The following ANO1 variants were observed in gnomAD, a reference collection of about 807,000 sequenced individuals.
The protein encoded by ANO1 is anoctamin-1.
ANO1 carries 59 observed loss-of-function variants against 124.0 expected under a neutral mutation model. The observed-to-expected ratio is 0.48, with a 90% confidence interval of 0.39 to 0.59. The LOEUF is 0.59. ANO1 is among the 20% of genes least tolerant of loss of function. The probability of loss-of-function intolerance (pLI) is 0.00; values close to 1 mark genes in which losing one functional copy is unlikely to be tolerated. For synonymous variants in ANO1, 529 were observed against 532.0 expected, an observed-to-expected ratio of 0.99 and a Z score of 0.08; for missense variants, 1,059 against 1,328.0, an observed-to-expected ratio of 0.80 and a Z score of 3.15.
upstream of ANO1, among the ~76,000 whole-genome samples, chr11:70,074,598 G>C (rs2044033079): frequency 6.6e-6 from 1 of 152,014 alleles, no homozygotes; most frequent in Admixed American, 6.6e-5. Flanking sequence ...GATAAAGCTG[G>C]CCCCCCCAGG....
At chr11:70,152,059 G>A (rs973400836) in intron 12 of ANO1, among the ~76,000 whole-genome samples, 6 of 152,276 alleles carry the variant, frequency 3.9e-5, no homozygotes, top group Middle Eastern at 3.4e-3. Flanking sequence ...CTTTAGGACC[G>A]GGCGCGGTGG....
At chr11:70,014,167 G>C (rs557997449) in intron 1 of ANO1, among the ~76,000 whole-genome samples, 2 of 137,812 alleles carry the variant, frequency 1.5e-5, no homozygotes, top group South Asian at 2.1e-4. Flanking sequence ...CATATCAACT[G>C]GGGGGGAAGC....
intron 22 of ANO1, among the ~76,000 whole-genome samples, chr11:70,179,005 C>A (rs893152427): frequency 6.6e-6 from 1 of 152,248 alleles, no homozygotes; most frequent in Admixed American, 6.5e-5. Context: ...CACACAGGGG[C>A]CTGAGCTCTT....
At chr11:70,076,381 C>G (rs1200403392), upstream of ANO1, among the ~76,000 whole-genome samples, 3 of 152,104 alleles carry the variant, frequency 2.0e-5, no homozygotes, top group Non-Finnish European at 1.5e-5. Context: ...TGTCACTTCC[C>G]AAACCTTTGG....
intron 1 of ANO1, among the ~76,000 whole-genome samples, chr11:69,993,063 C>T (rs1856186096): frequency 6.6e-6 from 1 of 152,138 alleles, no homozygotes; most frequent in Non-Finnish European, 1.5e-5. Flanking sequence ...TGCCATGATT[C>T]GTCTGGGCTC....
intron 1 of ANO1, among the ~76,000 whole-genome samples, chr11:70,020,063 C>T (rs528868837): frequency 6.6e-6 from 1 of 152,234 alleles, no homozygotes; most frequent in Non-Finnish European, 1.5e-5. Context: ...GGAGGTCAGG[C>T]TTGGTGGGCG....
At chr11:70,157,979 C>CAAAAAAAA (rs548012147) in intron 16 of ANO1, among the ~76,000 whole-genome samples, 1 of 74,266 alleles carries the variant, frequency 1.3e-5, no homozygotes, top group Non-Finnish European at 2.5e-5. Context: ...GACCCTGTCT[C>CAAAAAAAA]AAAAAAAAAA....
chr11:69,997,839 C>G (rs568079711), intron 1 of ANO1, among the ~76,000 whole-genome samples: 12 of 152,280 alleles, frequency 7.9e-5, no homozygotes, highest in African/African-American at 1.4e-4. Flanking sequence ...GTCTGCTCCC[C>G]CTTTGCCTTC....
chr11:70,184,922 T>C (rs575742898), intron 24 of ANO1, among the ~76,000 whole-genome samples: 2 of 152,250 alleles, frequency 1.3e-5, no homozygotes, highest in Admixed American at 1.3e-4. Context: ...AATTTTTGTA[T>C]TTTTTGCAGA....
intron 18 of ANO1, among the ~76,000 whole-genome samples, chr11:70,162,505 T>A (rs913728569): frequency 6.6e-6 from 1 of 152,114 alleles, no homozygotes; most frequent in Non-Finnish European, 1.5e-5. Flanking sequence ...ACTTGAGCCC[T>A]CTTCACAGCT....
intron 1 of ANO1, among the ~76,000 whole-genome samples, chr11:70,070,519 C>T (rs782531448): frequency 6.6e-6 from 1 of 152,136 alleles, no homozygotes; most frequent in Non-Finnish European, 1.5e-5. Flanking sequence ...CCGGTCTCTA[C>T]TAATAATATA....
At chr11:70,177,686 G>C (rs978630280) in intron 22 of ANO1, among the ~76,000 whole-genome samples, 4 of 119,870 alleles carry the variant, frequency 3.3e-5, no homozygotes, top group Non-Finnish European at 6.4e-5. Flanking sequence ...TGCAACCTCC[G>C]CCCCCCGGGT....
Position 70,016,724 on chromosome 11 carries a change from C to T in ANO1, c.58+30558C>T, listed in dbSNP as rs149908481. ...GGTCTGCAAAAGAGTTGCAGAGGGT[C>T]ACGGCTCAAGCCAGGCCCCAAAGTA... On this transcript the variant is annotated intron_variant, in intron 1 of 27. Coordinates refer to the ANO1 transcript ENST00000531349. Among the ~76,000 whole-genome samples the T allele has an allele frequency of 4.6e-5, 7 of 152,344 alleles. No individual in the cohort carries two copies. In the East Asian group the frequency reaches 1.4e-3, roughly 29 times the overall value.
Position 70,155,991 on chromosome 11 carries a change from A to G in ANO1, c.1503+3A>G, listed in dbSNP as rs2047800033. 1 of 1,513,720 alleles carries G rather than the reference A, an allele frequency of 6.6e-7. No homozygotes were observed. Among genetic ancestry groups the G allele is most frequent in the Admixed American group, 2.4e-5 (1 of 41,490 alleles). 93.8% of individuals were successfully genotyped at this position (1,513,720 alleles called of 1,614,324 possible). A position where few individuals can be genotyped will look rare whatever the true frequency, so the allele number is the denominator to read the frequency against. On this transcript the variant is annotated splice_donor_region_variant and intron_variant, in intron 15 of 25. Transcript: ENST00000355303. The stretch of plus-strand genomic sequence containing the variant: ...CAGCCATGGCGGGGGTGAAATTGGT[A>G]CTTTTCTATTTTGCGGGCAGCGCGC...
chr11:70,125,664 G>A (rs1011117412), intron 9 of ANO1, among the ~76,000 whole-genome samples: 2 of 150,688 alleles, frequency 1.3e-5, no homozygotes, highest in African/African-American at 2.4e-5. Context: ...CTAACACGGC[G>A]AAACTCCATC....
At chr11:70,128,411 C>A (rs1308068270) in intron 10 of ANO1, among the ~76,000 whole-genome samples, 1 of 152,200 alleles carries the variant, frequency 6.6e-6, no homozygotes, top group African/African-American at 2.4e-5. Flanking sequence ...TCCCCATGAG[C>A]CCTGGAGGAA....
chr11:70,095,844 C>A (rs1340277736), intron 2 of ANO1, among the ~76,000 whole-genome samples: 1 of 152,036 alleles, frequency 6.6e-6, no homozygotes, highest in Non-Finnish European at 1.5e-5. Context: ...CCCAACATAT[C>A]TGTTGAGTTT....
At chr11:69,983,239 A>C (rs1204871978), upstream of ANO1, among the ~76,000 whole-genome samples, 1 of 151,994 alleles carries the variant, frequency 6.6e-6, no homozygotes, top group African/African-American at 2.4e-5. Context: ...AGCCAGGCCC[A>C]AGGCCTCACC....
At chr11:69,991,740 A>G (rs1856159515) in intron 1 of ANO1, among the ~76,000 whole-genome samples, 1 of 152,238 alleles carries the variant, frequency 6.6e-6, no homozygotes, top group African/African-American at 2.4e-5. Flanking sequence ...TGTATCCACA[A>G]TTCCAGGAGC....
Sources: gnomAD v4.1 joint callset for allele counts (sites outside exome capture counted in the v4.1 genomes callset) on GRCh38, gnomAD v4.1.1 for gene constraint, MANE v1.5 for transcripts, NCBI Gene and HGNC (gene_info 2026-07-23, HGNC 2026-07-21) for gene names.